Variants in SPG7 observed in about 807,000 individuals in gnomAD.
The protein encoded by SPG7 is mitochondrial inner membrane m-AAA protease component paraplegin.
Under a neutral mutation model 81.9 loss-of-function variants are expected in SPG7, and 103 were observed. The observed-to-expected ratio is 1.26, with a 90% CI of 1.07 to 1.48. SPG7 has a LOEUF of 1.48. SPG7 is among the 40% of genes most tolerant of loss of function. SPG7 has a pLI of 0.00. For synonymous variants in SPG7, 534 were observed against 444.2 expected (o/e 1.20, Z -2.54); for missense variants, 1,241 against 1,087.3 (o/e 1.14, Z -1.99).
chr16:89,534,575 T>C (rs555788030), intron 9 of SPG7, among the ~76,000 whole-genome samples: 1 of 152,258 alleles, frequency 6.6e-6, no homozygotes, highest in Non-Finnish European at 1.5e-5. Context: ...AGCCGTTGAC[T>C]TCCTGTTTTC....
chr16:89,550,575 G>A lies in SPG7; in HGVS notation c.1745G>A (p.Gly582Asp). 1.2e-6 allele frequency: 2 copies of A among 1,613,816 alleles called. No individual in the cohort carries two copies. Among genetic ancestry groups the A allele is most frequent in the Non-Finnish European group, 1.7e-6 (2 of 1,179,898 alleles). ...AFHESGHALV[G>D]WMLEHTEAVM... ...CATGAGTCGGGCCACGCCTTGGTGG[G>A]CTGGATGCTGGAGCACACGGAGGCC... The change falls in exon 13 of 17, where the codon GGC becomes GAC. Residue 582 changes from glycine to aspartate, a missense_variant. By Grantham distance (94) the Gly-to-Asp change is moderately conservative. Coordinates refer to ENST00000645818, the MANE Select transcript of SPG7 (RefSeq NM_003119.4).
intron 7 of SPG7, chr16:89,531,246 T>C: frequency 3.0e-6 from 1 of 328,274 alleles, no homozygotes; most frequent in Non-Finnish European, 6.0e-6. Flanking sequence ...TCTGCAGGCC[T>C]GGTACAGTGG....
chr16:89,542,595 C>T (rs989644924), intron 9 of SPG7, among the ~76,000 whole-genome samples: 42 of 152,218 alleles, frequency 2.8e-4, no homozygotes, highest in Middle Eastern at 6.8e-3. Flanking sequence ...AATTCGGGAG[C>T]GATTTGCTTG....
At chr16:89,508,797 GA>G in intron 1 of SPG7, 197 bp downstream of exon 1, 4 of 716,908 alleles carry the variant, frequency 5.6e-6, no homozygotes, top group African/African-American at 1.7e-5. Context: ...GGCGGGCCGG[GA>G]AGAGGCAGGG....
rs949616123 is a variant in SPG7, at chr16:89,524,321, G to A, written c.618+74G>A. On this transcript the variant is annotated intron_variant, in intron 4 of 16. Transcript: ENST00000645818. ...GGCAGCCTGTGAGAGTGAGGCTGTG[G>A]GCTCCTGTGAATGAGGGTGTGGGCG... 7.8e-6 allele frequency: 12 copies of A among 1,529,464 alleles called. No homozygotes were observed. In the African/African-American group the frequency reaches 1.6e-4, roughly 21 times the overall value. The allele number at this position is 1,529,464 out of a possible 1,614,324, so 94.7% of individuals were successfully genotyped here. A position where few individuals can be genotyped will look rare whatever the true frequency, so the allele number is the denominator to read the frequency against.
At chr16:89,522,775 C>G (rs2058206520) in intron 3 of SPG7, 1 of 152,536 alleles carries the variant, frequency 6.6e-6, no homozygotes, top group African/African-American at 2.4e-5. Context: ...GGCTGCAGGA[C>G]TACTCCCCAC....
chr16:89,544,949 C>A (rs1355643308), intron 10 of SPG7, 177 bp downstream of exon 10: 1 of 722,328 alleles, frequency 1.4e-6, no homozygotes, highest in Non-Finnish European at 2.4e-6. Context: ...GACCTGCCCA[C>A]CGGCTGCACT....
Position 89,546,645 on chromosome 16 carries a change from C to G in SPG7, c.1450-13C>G, listed in dbSNP as rs1330234100. 1 of 1,596,342 alleles carries G rather than the reference C, an allele frequency of 6.3e-7. No individual in the cohort carries two copies. Among genetic ancestry groups the G allele is most frequent in the East Asian group, 2.2e-5 (1 of 44,770 alleles). On this transcript the variant is annotated splice_polypyrimidine_tract_variant and intron_variant, in intron 10 of 16. Transcript: ENST00000645818. ...CTTGAGCCCGACTGTCTTTCCTCCC[C>G]TGGTTCTGGCAGGAGAGGCGGGAGA...
rs1212573707 is a variant in SPG7 at position 89,553,113 on chromosome 16, G to C, written c.1914G>C (p.Leu638=). 1.9e-6 allele frequency: 3 copies of C among 1,610,748 alleles called. No individual in the cohort carries two copies. The highest frequency in any genetic ancestry group is 2.5e-6 in the Non-Finnish European group (3 of 1,178,574). Residue 638 remains leucine (L), a synonymous_variant, in exon 14 of 17, where the codon CTG becomes CTC. Transcript: ENST00000645818. ...MALGGRASEA[L]SFNEVTSGAQ... is the part of the protein sequence containing the mutation. ...TGGGAGGACGGGCCTCGGAAGCACT[G>C]TCCTTCAACGAGGTCACTTCTGGTG...
chr16:89,532,481 TG>T lies in SPG7; in HGVS notation c.1170del (p.Arg391GlyfsTer48), dbSNP rs1216905667. 6.2e-7 allele frequency: 1 copy of T among 1,613,442 alleles called. No individual in the cohort carries two copies. The highest frequency in any genetic ancestry group is 1.3e-5 in the African/African-American group (1 of 74,950). On this transcript the variant is annotated frameshift_variant, in exon 9 of 17. Transcript: ENST00000645818. LOFTEE classifies it high-confidence loss of function. ...CCCTCAGGCCTCGGCGCTGCCCGTG[TG>T]CGGAGCCTCTTTAAGGAAGCCCGAG... Reference protein sequence around the residue: ...EVIGGLGAARVRSLFKEARAR... With the variant: ...EVIGGLGAARXRSLFKEARAR...
rs1478480530 is a variant in SPG7, at chr16:89,530,671, C to A, written c.862-12C>A. 3 of 1,613,956 alleles carry A rather than the reference C, an allele frequency of 1.9e-6. No homozygotes were observed. The African/African-American group carries it at 4.0e-5, about 22-fold the overall frequency. On this transcript the variant is annotated splice_polypyrimidine_tract_variant and intron_variant, in intron 6 of 16. Coordinates refer to ENST00000645818, the MANE Select transcript of SPG7 (RefSeq NM_003119.4). Reference sequence around the variant, plus strand: ...TTCGCCCAGCTCCTTGCACTTTGTTCTTTCTGCACAGAATCAGCTTAAAAT... The same window carrying A: ...TTCGCCCAGCTCCTTGCACTTTGTTATTTCTGCACAGAATCAGCTTAAAAT...
chr16:89,525,906 G>T (rs986628345), intron 4 of SPG7, among the ~76,000 whole-genome samples: 1 of 152,190 alleles, frequency 6.6e-6, no homozygotes. Flanking sequence ...CATCAGACGT[G>T]GGGCTGTGAG....
intron 9 of SPG7, chr16:89,539,904 T>C (rs1320765727): frequency 6.6e-6 from 1 of 152,182 alleles, no homozygotes; most frequent in African/African-American, 2.4e-5. Context: ...AAGTTTTATA[T>C]TTAATCCATG....
At chr16:89,544,910 G>T (rs1567926606) in intron 10 of SPG7, 138 bp downstream of exon 10, 1 of 1,082,404 alleles carries the variant, frequency 9.2e-7, no homozygotes, top group African/African-American at 1.6e-5. Flanking sequence ...GTCCAGCGTG[G>T]CCCCCGCATC....
chr16:89,522,444 G>T (rs183002406), intron 3 of SPG7: 1 of 152,390 alleles, frequency 6.6e-6, no homozygotes, highest in Non-Finnish European at 1.5e-5. Context: ...GGTCCGTGGC[G>T]GTTTGTCCGC....
intron 13 of SPG7, 120 bp downstream of exon 13, chr16:89,550,729 C>T (rs1178545161): frequency 5.6e-6 from 4 of 718,590 alleles, no homozygotes; most frequent in Non-Finnish European, 1.0e-5. Context: ...GGGAGTCCCG[C>T]CTGTGTCTGT....
intron 14 of SPG7, 32 bp downstream of exon 14, chr16:89,553,167 T>A: frequency 6.4e-7 from 1 of 1,568,054 alleles, no homozygotes; most frequent in Non-Finnish European, 8.6e-7. Context: ...CCTGGAGGTT[T>A]CAGAGCGCTT....
intron 9 of SPG7, chr16:89,532,947 G>A (rs607006): frequency 0.46 from 179,942 of 390,354 alleles, 42,992 homozygotes; most frequent in East Asian, 0.68. Flanking sequence ...GCCGGGTGTG[G>A]TGGCAGGTGC....
At chr16:89,531,107 CACCTT>C in intron 7 of SPG7, 2 of 496,442 alleles carry the variant, frequency 4.0e-6, no homozygotes, top group Non-Finnish European at 7.4e-6. Context: ...ACCACATAAA[CACCTT>C]AGCCAGTTGG....
Sources: gnomAD v4.1 joint callset for allele counts (sites outside exome capture counted in the v4.1 genomes callset) on GRCh38, gnomAD v4.1.1 for gene constraint, MANE v1.5 for transcripts, NCBI Gene and HGNC (gene_info 2026-07-23, HGNC 2026-07-21) for gene names.